Variants in GRAMD1B observed in about 807,000 individuals in gnomAD.
GRAMD1B encodes the protein GRAM domain containing 1B.
In GRAMD1B, 37 loss-of-function variants were observed where a neutral mutation model predicts 99.7. The ratio of observed to expected loss-of-function variants is 0.37; its 90% CI spans 0.29 to 0.49. GRAMD1B has a LOEUF of 0.49. GRAMD1B is among the 20% of genes least tolerant of loss of function. GRAMD1B has a pLI of 0.98. For synonymous variants in GRAMD1B, 427 were observed against 387.6 expected, an observed-to-expected ratio of 1.10 and a Z score of -1.19; for missense variants, 888 against 1,009.2, an observed-to-expected ratio of 0.88 and a Z score of 1.63.
intron 7 of GRAMD1B, chr11:123,598,291 A>G (rs1396331368): frequency 2.3e-6 from 3 of 1,294,310 alleles, no homozygotes; most frequent in Non-Finnish European, 3.4e-6. Context: ...GGGTTTGCCA[A>G]GTGGCCAAGT....
chr11:123,552,273 C>CTTTTTTTTTTTTTTTTTTGTTT (rs1945692532), intron 2 of GRAMD1B, among the ~76,000 whole-genome samples: 1 of 119,370 alleles, frequency 8.4e-6, no homozygotes, highest in Non-Finnish European at 1.7e-5. Context: ...CTCTTTCTTT[C>CTTTTTTTTTTTTTTTTTTGTTT]TTTTTTTTTT....
At chr11:123,545,382 G>C (rs1034836409) in intron 2 of GRAMD1B, among the ~76,000 whole-genome samples, 5 of 152,228 alleles carry the variant, frequency 3.3e-5, no homozygotes, top group African/African-American at 4.8e-5. Context: ...ACCACAGTTT[G>C]AGAACCACTG....
intron 1 of GRAMD1B, among the ~76,000 whole-genome samples, chr11:123,449,714 C>CATTTTTTTTTTTTTTTTTTTTTTTTTTT: frequency 2.0e-5 from 2 of 99,974 alleles, no homozygotes; most frequent in East Asian, 5.9e-4. Flanking sequence ...CCATGCCTGG[C>CATTTTTTTTTTTTTTTTTTTTTTTTTTT]TTTTTTTTTT....
chr11:123,552,269 CTTTCT>C (rs1435369250), intron 2 of GRAMD1B, among the ~76,000 whole-genome samples: 35 of 105,030 alleles, frequency 3.3e-4, no homozygotes, highest in Admixed American at 2.9e-3. Context: ...TCTTCTCTTT[CTTTCT>C]TTTTTTTTTT....
At position 123,543,391 on chromosome 11, in the gene GRAMD1B, C is replaced by T. The variant is rs1370355062; in HGVS notation, c.453-33976C>T. Among the ~76,000 whole-genome samples, 4 of 152,276 alleles carry T rather than the reference C, an allele frequency of 2.6e-5. No individual in the cohort carries two copies. The South Asian group carries it at 6.2e-4, about 24-fold the overall frequency. Reference sequence around the variant, plus strand: ...AGAACAGACCTGAAACCTCTGTGGCCAGGGAAGTTGGATAGGGGATGGACA... The same window carrying T: ...AGAACAGACCTGAAACCTCTGTGGCTAGGGAAGTTGGATAGGGGATGGACA... On this transcript the variant is annotated intron_variant, in intron 2 of 19. Transcript: ENST00000635736.
chr11:123,434,859 C>T (rs1307818239), intron 1 of GRAMD1B, among the ~76,000 whole-genome samples: 1 of 152,172 alleles, frequency 6.6e-6, no homozygotes, highest in Non-Finnish European at 1.5e-5. Context: ...CAGAAGACAG[C>T]TGTATATTTA....
At chr11:123,448,790 T>C (rs1431334527) in intron 1 of GRAMD1B, among the ~76,000 whole-genome samples, 1 of 152,230 alleles carries the variant, frequency 6.6e-6, no homozygotes, top group Non-Finnish European at 1.5e-5. Flanking sequence ...CTTCTCTCCC[T>C]CCAAGCAAAT....
chr11:123,574,781 G>C (rs536320690), intron 2 of GRAMD1B, among the ~76,000 whole-genome samples: 3 of 152,190 alleles, frequency 2.0e-5, no homozygotes, highest in Non-Finnish European at 2.9e-5. Context: ...GACCAGGGCC[G>C]GAAGCAGGTA....
At chr11:123,530,954 G>A (rs1175402982) in intron 2 of GRAMD1B, among the ~76,000 whole-genome samples, 1 of 152,150 alleles carries the variant, frequency 6.6e-6, no homozygotes, top group Non-Finnish European at 1.5e-5. Context: ...TTAAATGAGT[G>A]TTGGGTGGAT....
chr11:123,626,796 C>G lies in GRAMD1B; in HGVS notation c.*4201C>G, dbSNP rs553089740. 6.6e-6 allele frequency: 1 copy of G among 152,420 alleles called. No individual in the cohort carries two copies. Among genetic ancestry groups the G allele is most frequent in the East Asian group, 1.9e-4 (1 of 5,188 alleles). The allele number at this position is 152,420 out of a possible 1,614,324, so 9.4% of individuals were successfully genotyped here. ...GCAGGTTGGCCCCAATCCTCTTCAC[C>G]TCTGTGTTTTCTTCTAGAAGATGCA... On this transcript the variant is annotated 3_prime_UTR_variant, in exon 20 of 20. Coordinates refer to ENST00000635736, the MANE Select transcript of GRAMD1B (RefSeq NM_001387025.1).
chr11:123,387,124 A>G (rs1461090703), intron 1 of GRAMD1B, among the ~76,000 whole-genome samples: 1 of 152,304 alleles, frequency 6.6e-6, no homozygotes, highest in East Asian at 1.9e-4. Context: ...TGAGATGTGA[A>G]AGGTAGAAGC....
chr11:123,488,683 G>A (rs868239709), intron 2 of GRAMD1B, among the ~76,000 whole-genome samples: 3 of 139,312 alleles, frequency 2.2e-5, no homozygotes, highest in Non-Finnish European at 3.3e-5. Flanking sequence ...CTCCTCCCCC[G>A]TTGCCACCCC....
At chr11:123,602,719 G>C (rs147287758) in intron 8 of GRAMD1B, among the ~76,000 whole-genome samples, 73 of 152,138 alleles carry the variant, frequency 4.8e-4, no homozygotes, top group African/African-American at 1.7e-3. Flanking sequence ...TCTTAGAACA[G>C]TGTTTTTTTG....
chr11:123,552,450 T>A (rs1945722123), intron 2 of GRAMD1B, among the ~76,000 whole-genome samples: 1 of 152,000 alleles, frequency 6.6e-6, no homozygotes, highest in African/African-American at 2.4e-5. Flanking sequence ...AATTTTTGTA[T>A]TTTTAGTAGA....
intron 1 of GRAMD1B, among the ~76,000 whole-genome samples, chr11:123,403,968 C>G (rs555118768): frequency 6.6e-6 from 1 of 152,176 alleles, no homozygotes; most frequent in Non-Finnish European, 1.5e-5. Context: ...GTTCACCTTA[C>G]GTGTCTTTCT....
chr11:123,558,941 C>G (rs779934122), intron 2 of GRAMD1B, among the ~76,000 whole-genome samples: 5 of 152,234 alleles, frequency 3.3e-5, no homozygotes, highest in Admixed American at 1.3e-4. Flanking sequence ...GAAATATTAG[C>G]TCTCAGCATG....
intron 1 of GRAMD1B, among the ~76,000 whole-genome samples, chr11:123,450,594 T>C (rs1174487140): frequency 6.6e-6 from 1 of 152,238 alleles, no homozygotes; most frequent in Non-Finnish European, 1.5e-5. Context: ...GTTTGTTTTC[T>C]AAAATTTGGA....
At chr11:123,479,196 CG>C (rs1429681498) in intron 1 of GRAMD1B, among the ~76,000 whole-genome samples, 1 of 152,178 alleles carries the variant, frequency 6.6e-6, no homozygotes, top group Non-Finnish European at 1.5e-5. Flanking sequence ...GGCGCTGTTC[CG>C]GTTTCTGGTG....
At chr11:123,478,362 A>G (rs1279969934) in intron 1 of GRAMD1B, among the ~76,000 whole-genome samples, 1 of 152,200 alleles carries the variant, frequency 6.6e-6, no homozygotes, top group Non-Finnish European at 1.5e-5. Context: ...GTGTACACAT[A>G]GCGTGATGTG....
Sources: gnomAD v4.1 joint callset for allele counts (sites outside exome capture counted in the v4.1 genomes callset) on GRCh38, gnomAD v4.1.1 for gene constraint, MANE v1.5 for transcripts, NCBI Gene and HGNC (gene_info 2026-07-23, HGNC 2026-07-21) for gene names.